ARHGAP19: variants seen among roughly 807,000 people sequenced by gnomAD.
The protein encoded by ARHGAP19 is rho GTPase-activating protein 19.
A neutral mutation model predicts 60.9 loss-of-function variants in ARHGAP19; 48 were observed. The ratio of observed to expected loss-of-function variants is 0.79; its 90% CI spans 0.62 to 1.00. The LOEUF is 1.00. Among genes scored for constraint, ARHGAP19 ranks in the 50% least tolerant of loss-of-function variants. The probability of loss-of-function intolerance (pLI) is 0.00; values close to 1 mark genes in which losing one functional copy is unlikely to be tolerated. For synonymous variants in ARHGAP19, 209 were observed against 215.5 expected (o/e 0.97, Z 0.27); for missense variants, 562 against 597.2 (o/e 0.94, Z 0.61).
intron 8 of ARHGAP19, among the ~76,000 whole-genome samples, 164 bp from the exon 9 acceptor site, chr10:97,235,479 GC>G (rs1851113526): frequency 6.6e-6 from 1 of 152,148 alleles, no homozygotes. Flanking sequence ...AAATGATGAT[GC>G]CAAAAGAAGT....
rs1850818037 is a variant in ARHGAP19, at chr10:97,222,340, G to A, written c.*3782C>T. Reference sequence around the variant, plus strand: ...TGTTTCTCTTGTTGAGCAAGCTCAGGGATAGGACAAAGGCAACCCTTGCTC... The same window carrying A: ...TGTTTCTCTTGTTGAGCAAGCTCAGAGATAGGACAAAGGCAACCCTTGCTC... On this transcript the variant is annotated 3_prime_UTR_variant, in exon 12 of 12. Transcript: ENST00000358531. 6.6e-6 allele frequency: 1 copy of A among 152,236 alleles called. No individual in the cohort carries two copies. 9.4% of individuals were successfully genotyped at this position (152,236 alleles called of 1,614,324 possible).
intron 10 of ARHGAP19, 122 bp downstream of exon 10, chr10:97,229,642 A>T: frequency 1.4e-6 from 1 of 697,136 alleles, no homozygotes; most frequent in Non-Finnish European, 2.4e-6. Flanking sequence ...AAATGAAAGG[A>T]TTGAGAAAAA....
chr10:97,292,575 C>T lies in ARHGAP19; in HGVS notation c.53G>A (p.Arg18Gln). ...EGEVPARESG[R>Q]SDAICSFVIC... is the part of the protein sequence containing the mutation. Reference sequence around the variant, plus strand: ...AACTGGACCAAACTCAGCTCACCTCCGGCCGGATTCGCGGGCTGGCACCTC... The same window carrying T: ...AACTGGACCAAACTCAGCTCACCTCTGGCCGGATTCGCGGGCTGGCACCTC... Residue 18 changes from arginine to glutamine, a missense_variant, in exon 1 of 12, where the codon CGG becomes CAG. Transcript: ENST00000358531. 6.2e-7 allele frequency: 1 copy of T among 1,614,198 alleles called. No homozygotes were observed. Among genetic ancestry groups the T allele is most frequent in the Non-Finnish European group, 8.5e-7 (1 of 1,180,032 alleles).
At chr10:97,279,706 T>C (rs374862704) in intron 1 of ARHGAP19, among the ~76,000 whole-genome samples, 34 of 152,136 alleles carry the variant, frequency 2.2e-4, no homozygotes, top group Non-Finnish European at 1.9e-4. Context: ...GTTGCCCAGG[T>C]CTCAAATTCC....
At chr10:97,283,831 T>TAAA (rs55665818) in intron 1 of ARHGAP19, among the ~76,000 whole-genome samples, 3,685 of 126,712 alleles carry the variant, frequency 0.029, 164 homozygotes, top group African/African-American at 0.086. Flanking sequence ...TCATCTCTAT[T>TAAA]AAAAAAAAAA....
intron 6 of ARHGAP19, among the ~76,000 whole-genome samples, 159 bp downstream of exon 6, chr10:97,256,159 T>C (rs1842749800): frequency 6.6e-6 from 1 of 152,294 alleles, no homozygotes; most frequent in Non-Finnish European, 1.5e-5. Context: ...CTTTCCACCA[T>C]AGTGGTTGTT....
intron 11 of ARHGAP19, 120 bp downstream of exon 11, chr10:97,229,027 G>T (rs1472190049): frequency 2.0e-6 from 2 of 994,674 alleles, no homozygotes; most frequent in South Asian, 1.3e-5. Context: ...ACCTGGCCTT[G>T]TAATTTTTAT....
intron 5 of ARHGAP19, among the ~76,000 whole-genome samples, chr10:97,257,013 C>G (rs147848988): frequency 1.3e-5 from 2 of 151,856 alleles, no homozygotes; most frequent in African/African-American, 2.4e-5. Context: ...CCCAGCTACT[C>G]GGGAGGCTGA....
chr10:97,267,991 T>C (rs1275308899), intron 1 of ARHGAP19, among the ~76,000 whole-genome samples: 1 of 152,268 alleles, frequency 6.6e-6, no homozygotes, highest in Non-Finnish European at 1.5e-5. Context: ...CGCAAATTTC[T>C]GCTGTCAGCT....
intron 1 of ARHGAP19, among the ~76,000 whole-genome samples, chr10:97,280,334 G>C (rs185044127): frequency 6.6e-6 from 1 of 150,830 alleles, no homozygotes; most frequent in Non-Finnish European, 1.5e-5. Context: ...ACTTGAACCC[G>C]GGAGGCAGAG....
intron 8 of ARHGAP19, among the ~76,000 whole-genome samples, chr10:97,241,729 G>A (rs771413226): frequency 1.3e-5 from 2 of 148,980 alleles, no homozygotes; most frequent in Non-Finnish European, 1.5e-5. Flanking sequence ...ATAAAAATAG[G>A]CCGGGTGCAG....
chr10:97,246,674 C>T (rs1012381852), intron 6 of ARHGAP19, among the ~76,000 whole-genome samples: 1 of 152,150 alleles, frequency 6.6e-6, no homozygotes, highest in Non-Finnish European at 1.5e-5. Context: ...CCCTCAAATC[C>T]TTACAAATTA....
chr10:97,239,064 A>T (rs1842427027), intron 8 of ARHGAP19, among the ~76,000 whole-genome samples: 1 of 152,234 alleles, frequency 6.6e-6, no homozygotes, highest in South Asian at 2.1e-4. Context: ...GCTATACCAT[A>T]CAGCCTAGGT....
chr10:97,258,487 T>TTGCA (rs1031746773), intron 5 of ARHGAP19, among the ~76,000 whole-genome samples: 1 of 152,018 alleles, frequency 6.6e-6, no homozygotes, highest in Non-Finnish European at 1.5e-5. Context: ...TGAGCTGAGA[T>TTGCA]TGCACCACTG....
intron 1 of ARHGAP19, among the ~76,000 whole-genome samples, chr10:97,267,366 A>G (rs1842911269): frequency 6.6e-6 from 1 of 152,192 alleles, no homozygotes; most frequent in South Asian, 2.1e-4. Context: ...GTACATCCCC[A>G]TTCCTGGTTG....
At chr10:97,249,004 G>A (rs965212585) in intron 6 of ARHGAP19, among the ~76,000 whole-genome samples, 3 of 152,008 alleles carry the variant, frequency 2.0e-5, no homozygotes, top group Non-Finnish European at 4.4e-5. Flanking sequence ...TTTTCATAGA[G>A]ATGGGGTTTT....
rs1254271001 is a variant in ARHGAP19 at position 97,225,318 on chromosome 10, A to G, written c.*804T>C. On this transcript the variant is annotated 3_prime_UTR_variant, in exon 12 of 12. Transcript: ENST00000358531. ...ATGAAGATAACAAGTTCAGCAAAAC[A>G]CAATTATTTTCACATCACTGAGGAA... 6.6e-6 allele frequency: 1 copy of G among 152,240 alleles called. No homozygotes were observed. The highest frequency in any genetic ancestry group is 1.5e-5 in the Non-Finnish European group (1 of 68,044). 9.4% of individuals were successfully genotyped at this position (152,240 alleles called of 1,614,324 possible). A position where few individuals can be genotyped will look rare whatever the true frequency, so the allele number is the denominator to read the frequency against.
intron 1 of ARHGAP19, among the ~76,000 whole-genome samples, chr10:97,270,125 CTAACACA>C (rs138975936): frequency 0.011 from 1,715 of 152,300 alleles, 54 homozygotes; most frequent in East Asian, 0.083. Flanking sequence ...CTTGGATCTC[CTAACACA>C]TAAGTAACAT....
chr10:97,225,599 G>C lies in ARHGAP19; in HGVS notation c.*523C>G, dbSNP rs1850881059. ...TTTTCCCAAAGCTCAAAGTGAAAAA[G>C]AGGGAAAGATATCTAGCTTAGAGCC... On this transcript the variant is annotated 3_prime_UTR_variant, in exon 12 of 12. Transcript: ENST00000358531. The C allele has an allele frequency of 6.6e-6, 1 of 152,326 alleles. No individual in the cohort carries two copies. The highest frequency in any genetic ancestry group is 2.4e-5 in the African/African-American group (1 of 41,452). The allele number at this position is 152,326 out of a possible 1,614,324, so 9.4% of individuals were successfully genotyped here.
Sources: gnomAD v4.1 joint callset for allele counts (sites outside exome capture counted in the v4.1 genomes callset) on GRCh38, gnomAD v4.1.1 for gene constraint, MANE v1.5 for transcripts, NCBI Gene and HGNC (gene_info 2026-07-23, HGNC 2026-07-21) for gene names.